Variants in ATOSB observed in about 807,000 individuals in gnomAD.
The protein encoded by ATOSB is atos homolog protein B.
chr9:35,107,319 CAAAAAAAAA>C, the ATOSB span: 16 of 1,161,256 alleles, frequency 1.4e-5, no homozygotes, highest in African/African-American at 1.3e-4. Flanking sequence ...GATCCCATCT[CAAAAAAAAA>C]AAAAAAAAAA....
At chr9:35,108,831 C>G in the ATOSB span, 2 of 279,514 alleles carry the variant, frequency 7.2e-6, no homozygotes, top group East Asian at 1.8e-4. Context: ...CCAGGACATC[C>G]TTCTCCCATG....
chr9:35,114,160 T>C, the ATOSB span, among the ~76,000 whole-genome samples: 1 of 152,158 alleles, frequency 6.6e-6, no homozygotes, highest in Non-Finnish European at 1.5e-5. Flanking sequence ...TATCCTCCAG[T>C]CTCAGCACAG....
chr9:35,112,347 G>A, the ATOSB span: 8 of 151,870 alleles, frequency 5.3e-5, no homozygotes, highest in African/African-American at 1.9e-4. Flanking sequence ...TGTTCAAGGA[G>A]ACAGAGCATA....
At chr9:35,105,551 A>ATGTATGTACATATATATG in the ATOSB span, 1 of 1,028,450 alleles carries the variant, frequency 9.7e-7, no homozygotes, top group Non-Finnish European at 1.4e-6. The surrounding 1 kb of genome is among the most constrained non-coding windows in gnomAD (Gnocchi z 5.5). Context: ...ACATACATAT[A>ATGTATGTACATATATATG]TATGTACATA....
At chr9:35,114,789 A>T in the ATOSB span, among the ~76,000 whole-genome samples, 2 of 152,074 alleles carry the variant, frequency 1.3e-5, no homozygotes, top group Non-Finnish European at 2.9e-5. Flanking sequence ...TTCCCTACCC[A>T]GAAGGATAAG....
chr9:35,104,555 C>A, the ATOSB span: 1 of 339,238 alleles, frequency 2.9e-6, no homozygotes, highest in Admixed American at 3.9e-5. Flanking sequence ...CACACTCACA[C>A]ACACATACCA....
the ATOSB span, chr9:35,115,832 T>C: frequency 1.4e-4 from 21 of 152,168 alleles, no homozygotes; most frequent in African/African-American, 4.6e-4. Context: ...CCGTTGCACT[T>C]GGGGACGTGG....
At chr9:35,114,073 T>G in the ATOSB span, among the ~76,000 whole-genome samples, 1 of 152,218 alleles carries the variant, frequency 6.6e-6, no homozygotes, top group Non-Finnish European at 1.5e-5. Flanking sequence ...TAATGACTGT[T>G]GTTCACTCAT....
the ATOSB span, chr9:35,108,000 G>A: frequency 3.8e-6 from 6 of 1,578,490 alleles, no homozygotes; most frequent in East Asian, 2.2e-5. Context: ...TTCTTCAGGG[G>A]GTAGTCCCTC....
At chr9:35,110,768 G>C in the ATOSB span, 1 of 152,322 alleles carries the variant, frequency 6.6e-6, no homozygotes. Context: ...TGGGAGGTGG[G>C]TGAGGTGGGT....
chr9:35,107,238 C>T, the ATOSB span: 1 of 997,980 alleles, frequency 1.0e-6, no homozygotes, highest in Non-Finnish European at 1.4e-6. Flanking sequence ...TTGGAGGATC[C>T]CTTGAGCCTG....
chr9:35,110,955 T>G, the ATOSB span: 1 of 152,090 alleles, frequency 6.6e-6, no homozygotes, highest in Non-Finnish European at 1.5e-5. Flanking sequence ...CCTACATACA[T>G]CCACACAAGC....
chr9:35,106,589 G>A, the ATOSB span: 1 of 1,568,136 alleles, frequency 6.4e-7, no homozygotes. This position sits in a 1 kb window ranked among gnomAD's most constrained non-coding sequence, Gnocchi z 4.6. Flanking sequence ...GAACAGGGGA[G>A]GCACTGGGGG....
the ATOSB span, chr9:35,106,155 G>C: frequency 6.4e-7 from 1 of 1,555,054 alleles, no homozygotes; most frequent in Non-Finnish European, 8.8e-7. This position sits in a 1 kb window ranked among gnomAD's most constrained non-coding sequence, Gnocchi z 4.6. Context: ...TCACTTCTAG[G>C]TGAGGAATAA....
chr9:35,107,725 G>A, the ATOSB span: 2 of 1,596,448 alleles, frequency 1.3e-6, no homozygotes, highest in African/African-American at 1.3e-5. Flanking sequence ...TCAAGTGTGT[G>A]CAGCTGGCCT....
chr9:35,113,444 T>A, the ATOSB span, among the ~76,000 whole-genome samples: 1 of 152,052 alleles, frequency 6.6e-6, no homozygotes, highest in African/African-American at 2.4e-5. Context: ...ACTAACATGG[T>A]GAAACCCCGT....
chr9:35,115,377 T>C, the ATOSB span, among the ~76,000 whole-genome samples: 1 of 152,050 alleles, frequency 6.6e-6, no homozygotes, highest in Non-Finnish European at 1.5e-5. Context: ...CTGTAGTTAC[T>C]ACAATGCCCT....
At chr9:35,110,310 A>G in the ATOSB span, 4 of 152,386 alleles carry the variant, frequency 2.6e-5, no homozygotes, top group Non-Finnish European at 5.9e-5. Flanking sequence ...CACCCAAGCC[A>G]TACAGATTCA....
chr9:35,105,654 C>T, the ATOSB span: 5 of 1,608,298 alleles, frequency 3.1e-6, no homozygotes, highest in Non-Finnish European at 4.3e-6. This position sits in a 1 kb window ranked among gnomAD's most constrained non-coding sequence, Gnocchi z 5.5. Flanking sequence ...CCTGGGCCTC[C>T]CCAGCCATCC....
Sources: allele counts gnomAD v4.1 joint callset (sites outside exome capture counted in the v4.1 genomes callset), GRCh38; gene constraint gnomAD v4.1.1; non-coding constraint Gnocchi (gnomAD v3.1); transcripts MANE v1.5; gene names NCBI Gene and HGNC (gene_info 2026-07-23, HGNC 2026-07-21).